TMEM178B: variants seen among roughly 807,000 people sequenced by gnomAD.
TMEM178B encodes transmembrane protein 178B.
In TMEM178B, 5 loss-of-function variants were observed where a neutral mutation model predicts 31.0. That is an observed-to-expected ratio of 0.16 (90% CI 0.08 to 0.34). The LOEUF (loss-of-function observed/expected upper bound fraction) is 0.34. Among genes scored for constraint, TMEM178B ranks in the 10% least tolerant of loss-of-function variants. The pLI, the probability that TMEM178B is intolerant of heterozygous loss-of-function variation, is 1.00. For missense variants in TMEM178B, 275 were observed against 400.3 expected, an observed-to-expected ratio of 0.69 and a Z score of 2.67; for synonymous variants, 164 against 164.0, an observed-to-expected ratio of 1.00 and a Z score of 0.00.
the TMEM178B span, among the ~76,000 whole-genome samples, chr7:141,500,976 G>T: frequency 4.2e-3 from 643 of 152,282 alleles, 3 homozygotes; most frequent in African/African-American, 0.015. Flanking sequence ...ACTGAGCTCA[G>T]CAAGATAAAT....
intron 2 of TMEM178B, among the ~76,000 whole-genome samples, chr7:141,229,100 G>GTGTGT (rs1554465447): frequency 4.4e-5 from 6 of 134,852 alleles, no homozygotes; most frequent in African/African-American, 1.7e-4. Context: ...GTGTGTGTGT[G>GTGTGT]GTGTGTGTGT....
At chr7:141,142,199 T>G (rs1795781917) in intron 1 of TMEM178B, among the ~76,000 whole-genome samples, 1 of 145,390 alleles carries the variant, frequency 6.9e-6, no homozygotes, top group South Asian at 2.1e-4. Flanking sequence ...GGCCCCCAGC[T>G]GTATCCATGT....
intron 2 of TMEM178B, among the ~76,000 whole-genome samples, chr7:141,360,740 A>G (rs1439337013): frequency 6.6e-6 from 1 of 152,162 alleles, no homozygotes; most frequent in East Asian, 1.9e-4. Context: ...TTCTTAACTG[A>G]TTTGGGCTTA....
chr7:141,287,983 T>A (rs866872911), intron 2 of TMEM178B, among the ~76,000 whole-genome samples: 1 of 152,188 alleles, frequency 6.6e-6, no homozygotes, highest in East Asian at 1.9e-4. Flanking sequence ...CTTGTTTTTT[T>A]CCCCCCCAAT....
At chr7:141,399,989 C>CAGT (rs1800731251) in intron 2 of TMEM178B, among the ~76,000 whole-genome samples, 1 of 152,176 alleles carries the variant, frequency 6.6e-6, no homozygotes, top group Admixed American at 6.5e-5. Flanking sequence ...TACAAACAAT[C>CAGT]AGTCTCCCAT....
chr7:141,294,547 CA>C (rs1049945583), intron 2 of TMEM178B, among the ~76,000 whole-genome samples: 2 of 152,232 alleles, frequency 1.3e-5, no homozygotes, highest in African/African-American at 4.8e-5. Flanking sequence ...TTACAGCTTT[CA>C]AAAAATGTTA....
At chr7:141,450,402 T>C (rs550995181) in intron 3 of TMEM178B, among the ~76,000 whole-genome samples, 10 of 152,336 alleles carry the variant, frequency 6.6e-5, no homozygotes, top group Non-Finnish European at 1.0e-4. Flanking sequence ...TTGCTCACAA[T>C]TGTAGAGAGG....
At chr7:141,091,745 A>G (rs1419862751) in intron 1 of TMEM178B, among the ~76,000 whole-genome samples, 1 of 152,186 alleles carries the variant, frequency 6.6e-6, no homozygotes, top group African/African-American at 2.4e-5. Flanking sequence ...GTTAATTTTT[A>G]GAGACGGAGT....
intron 2 of TMEM178B, among the ~76,000 whole-genome samples, chr7:141,277,634 C>G (rs563856631): frequency 6.6e-6 from 1 of 152,130 alleles, no homozygotes; most frequent in South Asian, 2.1e-4. Context: ...AGGAATTTTT[C>G]AGCTCTATTG....
intron 2 of TMEM178B, among the ~76,000 whole-genome samples, chr7:141,383,159 TCTTTC>T (rs796820743): frequency 4.1e-4 from 61 of 148,178 alleles, no homozygotes; most frequent in African/African-American, 1.2e-3. Flanking sequence ...TTTCTTTCTT[TCTTTC>T]TTTTTTTTTA....
chr7:141,114,113 GA>G (rs2129175502), intron 1 of TMEM178B, among the ~76,000 whole-genome samples: 1 of 152,322 alleles, frequency 6.6e-6, no homozygotes, highest in African/African-American at 2.4e-5. Context: ...GGCCCTAAGG[GA>G]GAAATGTTTG....
chr7:141,138,946 C>T lies in TMEM178B; in HGVS notation c.382+64254C>T, dbSNP rs539481592. ...TTGCAGTGAGCTGAGATCGCGCCAC[C>T]GCAGTCCAGCCTGGGCAACACAGTG... On this transcript the variant is annotated intron_variant, in intron 1 of 3. Coordinates refer to ENST00000565468, the MANE Select transcript of TMEM178B (RefSeq NM_001195278.2). Among the ~76,000 whole-genome samples the T allele has an allele frequency of 1.6e-3, 237 of 151,304 alleles. 1 individual carries two copies. Among genetic ancestry groups the T allele is most frequent in the Non-Finnish European group, 2.7e-3 (186 of 67,824 alleles).
At chr7:141,178,625 C>T (rs1423348590) in intron 1 of TMEM178B, among the ~76,000 whole-genome samples, 6 of 152,262 alleles carry the variant, frequency 3.9e-5, no homozygotes, top group East Asian at 1.9e-4. Context: ...GTTGGTGATA[C>T]GCTGTCATCA....
intron 2 of TMEM178B, among the ~76,000 whole-genome samples, chr7:141,243,725 C>G (rs1797681327): frequency 6.6e-6 from 1 of 152,134 alleles, no homozygotes. Context: ...TCATTGCCAG[C>G]CATGCAGCCA....
intron 1 of TMEM178B, among the ~76,000 whole-genome samples, chr7:141,077,284 T>C (rs1794615309): frequency 6.6e-6 from 1 of 152,224 alleles, no homozygotes; most frequent in Non-Finnish European, 1.5e-5. Context: ...TTGATTAAAA[T>C]TCTGGAAGAT....
rs117142203 is a variant in TMEM178B, at chr7:141,334,910, A to T, written c.497-102698A>T. Among the ~76,000 whole-genome samples, 564 of 152,338 alleles carry T rather than the reference A, an allele frequency of 3.7e-3. 1 individual carries two copies. The highest frequency in any genetic ancestry group is 5.7e-3 in the Admixed American group (88 of 15,308). ...TGGCAAGCTGCCAGGCAGCTGGTAA[A>T]GATTTGGAAAACGGTTCTCAATCCA... On this transcript the variant is annotated intron_variant, in intron 2 of 3. Transcript: ENST00000565468.
intron 2 of TMEM178B, among the ~76,000 whole-genome samples, chr7:141,393,870 C>G (rs1019570978): frequency 2.0e-5 from 3 of 152,146 alleles, no homozygotes; most frequent in African/African-American, 7.2e-5. Flanking sequence ...CAAAGACATG[C>G]TTTTAACTTT....
At chr7:141,275,172 C>A (rs1217963230) in intron 2 of TMEM178B, among the ~76,000 whole-genome samples, 1 of 152,122 alleles carries the variant, frequency 6.6e-6, no homozygotes, top group African/African-American at 2.4e-5. Context: ...GATTTGTATT[C>A]AAGATACTCA....
chr7:141,314,963 A>G (rs184316609), intron 2 of TMEM178B, among the ~76,000 whole-genome samples: 84 of 152,314 alleles, frequency 5.5e-4, no homozygotes, highest in Middle Eastern at 6.8e-3. Flanking sequence ...ATTGTTTCCA[A>G]CCCAGTCTGC....
Sources: allele counts gnomAD v4.1 joint callset (sites outside exome capture counted in the v4.1 genomes callset), GRCh38; gene constraint gnomAD v4.1.1; transcripts MANE v1.5; gene names NCBI Gene and HGNC (gene_info 2026-07-23, HGNC 2026-07-21).